Variants in LIMS4 observed in about 807,000 individuals in gnomAD.
LIMS4 encodes the protein LIM and senescent cell antigen-like-containing domain protein 4.
the LIMS4 span, chr2:110,382,627 G>T: frequency 1.7e-5 from 1 of 57,964 alleles, no homozygotes; most frequent in African/African-American, 1.0e-4. Context: ...AACTGCAGAA[G>T]AGATAGATAA....
chr2:110,361,063 T>G, the LIMS4 span: 3 of 910,596 alleles, frequency 3.3e-6, no homozygotes, highest in Non-Finnish European at 5.3e-6. Context: ...CCAGAACCGG[T>G]TCTTTCAACT....
At chr2:110,376,538 T>TC in the LIMS4 span, 1 of 24,914 alleles carries the variant, frequency 4.0e-5, no homozygotes, top group African/African-American at 4.2e-4. Flanking sequence ...AGCTCCAAGC[T>TC]CCCCCGTCTT....
At chr2:110,361,071 A>C in the LIMS4 span, 1 of 851,770 alleles carries the variant, frequency 1.2e-6, no homozygotes, top group Non-Finnish European at 1.9e-6. Flanking sequence ...GGTTCTTTCA[A>C]CTTCCACTTG....
the LIMS4 span, among the ~76,000 whole-genome samples, chr2:110,366,782 C>T: frequency 2.0e-5 from 3 of 151,586 alleles, no homozygotes; most frequent in African/African-American, 4.9e-5. Context: ...GATTTTATAC[C>T]TAGAAAACCC....
chr2:110,359,292 TA>T, the LIMS4 span, among the ~76,000 whole-genome samples: 70 of 111,936 alleles, frequency 6.3e-4, no homozygotes, highest in South Asian at 0.014. Flanking sequence ...TTCCTTTTCT[TA>T]AAAAAAAAAG....
chr2:110,386,739 G>A, the LIMS4 span: 8 of 834,002 alleles, frequency 9.6e-6, no homozygotes, highest in Admixed American at 2.0e-5. Context: ...ACACCAGCAG[G>A]GCAGCACAGA....
the LIMS4 span, among the ~76,000 whole-genome samples, chr2:110,390,685 C>T: frequency 2.0e-5 from 3 of 149,748 alleles, no homozygotes; most frequent in South Asian, 2.1e-4. Context: ...CGAGCTGGTC[C>T]GTGGTAGGAT....
chr2:110,397,275 TTAAC>T, the LIMS4 span: 1 of 133,996 alleles, frequency 7.5e-6, no homozygotes, highest in African/African-American at 2.9e-5. Context: ...AATCTCTTAT[TTAAC>T]TGAGAGTCAT....
chr2:110,369,410 C>T, the LIMS4 span, among the ~76,000 whole-genome samples: 3 of 114,412 alleles, frequency 2.6e-5, no homozygotes, highest in South Asian at 3.1e-4. Flanking sequence ...GGGATGGGTG[C>T]CAATGGCCAG....
the LIMS4 span, chr2:110,361,147 T>C: frequency 7.3e-6 from 7 of 954,948 alleles, 1 homozygote; most frequent in African/African-American, 3.8e-5. Context: ...CTATCATTTC[T>C]TTCAGGTCAG....
At chr2:110,366,971 A>G in the LIMS4 span, among the ~76,000 whole-genome samples, 1 of 148,910 alleles carries the variant, frequency 6.7e-6, no homozygotes, top group African/African-American at 2.5e-5. Context: ...ACACACACAC[A>G]CACACACACA....
chr2:110,361,060 C>G, the LIMS4 span: 12 of 1,121,368 alleles, frequency 1.1e-5, 1 homozygote, highest in Non-Finnish European at 1.4e-5. Flanking sequence ...ACTCCAGAAC[C>G]GGTTCTTTCA....
the LIMS4 span, chr2:110,386,759 G>C: frequency 1.3e-6 from 1 of 751,162 alleles, no homozygotes; most frequent in African/African-American, 1.9e-5. Flanking sequence ...AGGGTCCAGG[G>C]CCCAAAGGCT....
chr2:110,425,742 TTGAA>T, the LIMS4 span, among the ~76,000 whole-genome samples: 1 of 140,576 alleles, frequency 7.1e-6, no homozygotes, highest in Non-Finnish European at 1.5e-5. Context: ...TGCTGACAAT[TTGAA>T]TGAGCTCGAA....
chr2:110,392,642 G>A, the LIMS4 span, among the ~76,000 whole-genome samples: 1 of 151,768 alleles, frequency 6.6e-6, no homozygotes, highest in Non-Finnish European at 1.5e-5. Flanking sequence ...CCGTTGCTGA[G>A]GCAGCAGCAC....
intron 8 of LIMS4, among the ~76,000 whole-genome samples, chr2:110,448,572 C>A (rs1437573466): frequency 6.6e-6 from 1 of 152,180 alleles, no homozygotes; most frequent in Non-Finnish European, 1.5e-5. Context: ...TGGTCTTGAA[C>A]TCTTGACCTC....
the LIMS4 span, among the ~76,000 whole-genome samples, chr2:110,392,294 C>A: frequency 6.6e-6 from 1 of 150,932 alleles, no homozygotes; most frequent in Non-Finnish European, 1.5e-5. Flanking sequence ...AAAAAATTAG[C>A]CAGGCGCGGT....
At chr2:110,373,966 GATGT>G in the LIMS4 span, among the ~76,000 whole-genome samples, 1 of 138,324 alleles carries the variant, frequency 7.2e-6, no homozygotes, top group East Asian at 2.0e-4. Context: ...CACAGGATCT[GATGT>G]TGGCCAAGAG....
the LIMS4 span, chr2:110,387,702 CA>C: frequency 4.3e-6 from 1 of 231,046 alleles, no homozygotes; most frequent in Non-Finnish European, 8.5e-6. Context: ...GTATGTTGGC[CA>C]GGTGGGTCTT....
Sources: allele counts gnomAD v4.1 joint callset (sites outside exome capture counted in the v4.1 genomes callset), GRCh38; gene constraint gnomAD v4.1.1; transcripts MANE v1.5; gene names NCBI Gene and HGNC (gene_info 2026-07-23, HGNC 2026-07-21).